The following EYS variants were observed in gnomAD, a reference collection of about 807,000 sequenced individuals.
EYS encodes the protein protein eyes shut homolog.
Under a neutral mutation model 282.1 loss-of-function variants are expected in EYS, and 250 were observed. The ratio of observed to expected loss-of-function variants is 0.89; its 90% CI spans 0.80 to 0.98. The LOEUF (loss-of-function observed/expected upper bound fraction) is 0.98, where lower values mean the gene tolerates loss of function less well. Among genes scored for constraint, EYS ranks in the 50% least tolerant of loss-of-function variants. The pLI is 0.00. For synonymous variants in EYS, 1,355 were observed against 1,282.9 expected (o/e 1.06, Z -1.20); for missense variants, 4,016 against 3,709.0 (o/e 1.08, Z -2.15).
chr6:65,187,333 A>C (rs976692770), intron 12 of EYS, among the ~76,000 whole-genome samples: 2 of 151,728 alleles, frequency 1.3e-5, no homozygotes, highest in African/African-American at 4.8e-5. Context: ...TTAATTTAAC[A>C]ATTTCTAGAT....
intron 5 of EYS, among the ~76,000 whole-genome samples, chr6:65,467,869 T>C (rs1028055550): frequency 4.0e-5 from 6 of 150,352 alleles, no homozygotes; most frequent in African/African-American, 1.5e-4. Flanking sequence ...TTTCTTTTGA[T>C]TAAAAAAAGC....
chr6:64,098,085 T>C (rs1345758391), intron 31 of EYS, among the ~76,000 whole-genome samples: 2 of 152,208 alleles, frequency 1.3e-5, no homozygotes, highest in Non-Finnish European at 2.9e-5. Flanking sequence ...TAGTAAACAT[T>C]TTGTACAACA....
chr6:64,992,855 T>C (rs1339394653), intron 14 of EYS, among the ~76,000 whole-genome samples: 1 of 152,004 alleles, frequency 6.6e-6, no homozygotes, highest in Non-Finnish European at 1.5e-5. Flanking sequence ...GGGGAGTTTG[T>C]ATTCCTGGAG....
chr6:65,506,014 T>C (rs181596510), intron 2 of EYS, among the ~76,000 whole-genome samples: 3 of 152,290 alleles, frequency 2.0e-5, no homozygotes, highest in Non-Finnish European at 2.9e-5. Context: ...TTTTCTCTTA[T>C]TCCTGTCTGT....
intron 7 of EYS, among the ~76,000 whole-genome samples, chr6:65,397,188 T>TTTTA (rs145896389): frequency 0.053 from 8,065 of 151,828 alleles, 299 homozygotes; most frequent in African/African-American, 0.1. Context: ...AGCTAACCTC[T>TTTTA]TTTATTTATT....
At chr6:64,913,060 A>G (rs1336296949) in intron 15 of EYS, among the ~76,000 whole-genome samples, 1 of 152,064 alleles carries the variant, frequency 6.6e-6, no homozygotes, top group Non-Finnish European at 1.5e-5. Context: ...TTTCCTATGA[A>G]TTATTTAATA....
chr6:64,030,556 G>A (rs775253439), intron 33 of EYS, among the ~76,000 whole-genome samples: 5 of 151,958 alleles, frequency 3.3e-5, no homozygotes, highest in African/African-American at 4.8e-5. Flanking sequence ...CTAACCAGTC[G>A]GGGATAGTAC....
intron 5 of EYS, among the ~76,000 whole-genome samples, chr6:65,423,999 C>T (rs1359274145): frequency 2.0e-5 from 3 of 151,820 alleles, no homozygotes; most frequent in Non-Finnish European, 4.4e-5. Context: ...GCCTTTAGCC[C>T]CCTATTTCAA....
intron 19 of EYS, among the ~76,000 whole-genome samples, chr6:64,823,789 G>A (rs1764970094): frequency 6.6e-6 from 1 of 151,860 alleles, no homozygotes; most frequent in Non-Finnish European, 1.5e-5. Context: ...TCTGACTTGT[G>A]CTTCTGATCA....
At position 65,575,047 on chromosome 6, in the gene EYS, C is replaced by T. The variant is rs1034404803; in HGVS notation, c.-333+64731G>A. ...AGGTCAAGAATAAATTATGGCTGGA[C>T]GTGGTGGCTCACGCCTATAATCCTA... On this transcript the variant is annotated intron_variant, in intron 2 of 42. Coordinates refer to ENST00000503581, the MANE Select transcript of EYS (RefSeq NM_001142800.2). Among the ~76,000 whole-genome samples the T allele has an allele frequency of 2.5e-4, 38 of 152,132 alleles. 1 individual carries two copies. The highest frequency in any genetic ancestry group is 3.4e-3 in the Middle Eastern group (1 of 294).
At chr6:65,337,269 C>G (rs1056546834) in intron 10 of EYS, among the ~76,000 whole-genome samples, 1 of 151,432 alleles carries the variant, frequency 6.6e-6, no homozygotes, top group Non-Finnish European at 1.5e-5. Context: ...TTTACACTTG[C>G]CCCAAGTCTA....
At chr6:64,786,995 C>T (rs574669882) in intron 22 of EYS, among the ~76,000 whole-genome samples, 26 of 152,242 alleles carry the variant, frequency 1.7e-4, no homozygotes, top group African/African-American at 6.3e-4. Context: ...TATCCTTTTT[C>T]TAGAGGTCAG....
intron 35 of EYS, among the ~76,000 whole-genome samples, chr6:63,941,745 G>A (rs965066797): frequency 7.2e-5 from 11 of 152,238 alleles, no homozygotes; most frequent in African/African-American, 2.6e-4. Flanking sequence ...TTATGATCGG[G>A]ACTCCCCTTA....
chr6:64,762,058 T>C (rs1289683144), intron 22 of EYS, among the ~76,000 whole-genome samples: 2 of 152,214 alleles, frequency 1.3e-5, no homozygotes, highest in South Asian at 4.1e-4. Context: ...GGATTTTAAA[T>C]GTTCTTACCA....
At chr6:64,850,236 A>G (rs1765840123) in intron 19 of EYS, among the ~76,000 whole-genome samples, 1 of 152,098 alleles carries the variant, frequency 6.6e-6, no homozygotes, top group South Asian at 2.1e-4. Flanking sequence ...GTATGTTAGC[A>G]CATTCTTTCT....
intron 33 of EYS, among the ~76,000 whole-genome samples, chr6:64,060,539 C>G (rs1431336387): frequency 2.6e-5 from 4 of 152,094 alleles, no homozygotes; most frequent in Admixed American, 2.0e-4. Flanking sequence ...ATCAATCCTA[C>G]TCAGAATCAT....
chr6:64,033,531 ACT>A (rs1338463202), intron 33 of EYS, among the ~76,000 whole-genome samples: 2 of 152,186 alleles, frequency 1.3e-5, no homozygotes, highest in Non-Finnish European at 2.9e-5. Flanking sequence ...AAGGTTAATT[ACT>A]GTCTAAAATA....
At chr6:65,357,492 G>A (rs1764532549) in intron 8 of EYS, among the ~76,000 whole-genome samples, 1 of 151,866 alleles carries the variant, frequency 6.6e-6, no homozygotes, top group Non-Finnish European at 1.5e-5. Flanking sequence ...CAAGGGAAAA[G>A]GGGAAACATT....
chr6:63,744,266 C>A (rs1226926794), intron 41 of EYS: 1 of 152,134 alleles, frequency 6.6e-6, no homozygotes, highest in Non-Finnish European at 1.5e-5. Context: ...ATTTTTTACA[C>A]CAAATGCATT....
Sources: allele counts gnomAD v4.1 joint callset (sites outside exome capture counted in the v4.1 genomes callset), GRCh38; gene constraint gnomAD v4.1.1; transcripts MANE v1.5; gene names NCBI Gene and HGNC (gene_info 2026-07-23, HGNC 2026-07-21).